Variants in LANCL2 observed in about 807,000 individuals in gnomAD.
The protein encoded by LANCL2 is lanC-like protein 2.
Under a neutral mutation model 56.9 loss-of-function variants are expected in LANCL2, and 33 were observed. The ratio of observed to expected loss-of-function variants is 0.58; its 90% CI spans 0.44 to 0.78. LANCL2 has a LOEUF of 0.78. Ranked by LOEUF, LANCL2 falls within the 30% of genes least tolerant of loss-of-function variation. The pLI, the probability that LANCL2 is intolerant of heterozygous loss-of-function variation, is 0.00. For synonymous variants in LANCL2, 233 were observed against 228.2 expected (o/e 1.02, Z -0.19); for missense variants, 562 against 580.2 (o/e 0.97, Z 0.32).
chr7:55,391,984 T>TG (rs1562861183), intron 2 of LANCL2, 74 bp downstream of exon 2: 1 of 902,356 alleles, frequency 1.1e-6, no homozygotes, highest in Non-Finnish European at 1.8e-6. Flanking sequence ...ACTGAAATTT[T>TG]CTTCTCTTTT....
intron 6 of LANCL2, among the ~76,000 whole-genome samples, chr7:55,424,084 T>A (rs566264846): frequency 9.2e-5 from 14 of 152,168 alleles, no homozygotes; most frequent in African/African-American, 2.4e-4. Context: ...GCCACCCAAG[T>A]AGTGATGACC....
chr7:55,426,583 T>C (rs1790667055), intron 7 of LANCL2, among the ~76,000 whole-genome samples: 1 of 152,106 alleles, frequency 6.6e-6, no homozygotes, highest in South Asian at 2.1e-4. Context: ...CCCCCACTGA[T>C]GGAAGCATGA....
Position 55,365,992 on chromosome 7 carries a change from T to C in LANCL2, c.-34T>C. Reference sequence around the variant, plus strand: ...CGAGCTGCAGCGCCGGGACAGGAGGTTTGTCCCCGCCCGCGCGCCGTACCG... The same window carrying C: ...CGAGCTGCAGCGCCGGGACAGGAGGCTTGTCCCCGCCCGCGCGCCGTACCG... On this transcript the variant is annotated 5_prime_UTR_variant, in exon 1 of 9. Coordinates refer to ENST00000254770, the MANE Select transcript of LANCL2 (RefSeq NM_018697.4). 1 of 1,390,752 alleles carries C rather than the reference T, an allele frequency of 7.2e-7. No individual in the cohort carries two copies. Among genetic ancestry groups the C allele is most frequent in the Non-Finnish European group, 9.4e-7 (1 of 1,062,182 alleles). 86.2% of individuals were successfully genotyped at this position (1,390,752 alleles called of 1,614,324 possible).
chr7:55,365,662 A>C lies in LANCL2; in HGVS notation c.-364A>C. The C allele has an allele frequency of 5.5e-6, 1 of 181,214 alleles. No homozygotes were observed. The highest frequency in any genetic ancestry group is 1.1e-5 in the Non-Finnish European group (1 of 87,426). The allele number at this position is 181,214 out of a possible 1,614,324, so 11.2% of individuals were successfully genotyped here. A position where few individuals can be genotyped will look rare whatever the true frequency, so the allele number is the denominator to read the frequency against. ...GCAGCGATCCCCACCCCGGGACTCC[A>C]GCCCCGGCCGTGCGCGTCGCCGCGG... On this transcript the variant is annotated 5_prime_UTR_variant, in exon 1 of 9. Coordinates refer to ENST00000254770, the MANE Select transcript of LANCL2 (RefSeq NM_018697.4).
At chr7:55,378,329 G>T (rs954752740) in intron 1 of LANCL2, among the ~76,000 whole-genome samples, 2 of 151,884 alleles carry the variant, frequency 1.3e-5, no homozygotes, top group African/African-American at 4.8e-5. Flanking sequence ...ACATGGTGGC[G>T]CATGCCTATA....
At chr7:55,385,723 G>A (rs1005289322) in intron 1 of LANCL2, among the ~76,000 whole-genome samples, 21 of 152,200 alleles carry the variant, frequency 1.4e-4, no homozygotes, top group Non-Finnish European at 2.6e-4. Flanking sequence ...GGGCACCATT[G>A]TCATTGATAA....
chr7:55,372,983 C>T (rs1475533330), intron 1 of LANCL2, among the ~76,000 whole-genome samples: 2 of 152,186 alleles, frequency 1.3e-5, no homozygotes, highest in African/African-American at 4.8e-5. Flanking sequence ...AATAACCAAA[C>T]CACTTGGAAA....
At chr7:55,420,801 T>G (rs923989808) in intron 6 of LANCL2, among the ~76,000 whole-genome samples, 1 of 152,248 alleles carries the variant, frequency 6.6e-6, no homozygotes, top group Non-Finnish European at 1.5e-5. Flanking sequence ...AGATTTGCCT[T>G]ACATATTTGT....
intron 2 of LANCL2, 67 bp downstream of exon 2, chr7:55,391,977 G>A (rs1790196558): frequency 1.1e-6 from 1 of 930,380 alleles, no homozygotes; most frequent in Non-Finnish European, 1.7e-6. Flanking sequence ...AGACTTGACT[G>A]AAATTTTCTT....
At chr7:55,415,557 G>T (rs1790525955) in intron 6 of LANCL2, among the ~76,000 whole-genome samples, 1 of 150,334 alleles carries the variant, frequency 6.7e-6, no homozygotes, top group Admixed American at 6.6e-5. Context: ...TCAAGATTCT[G>T]ATACCTTCTT....
chr7:55,385,767 C>G (rs565577103), intron 1 of LANCL2, among the ~76,000 whole-genome samples: 3 of 152,126 alleles, frequency 2.0e-5, no homozygotes, highest in African/African-American at 4.8e-5. Flanking sequence ...TGAGATCAAC[C>G]GGTCTGACCA....
chr7:55,430,353 G>A (rs535295317), intron 8 of LANCL2, among the ~76,000 whole-genome samples: 15 of 152,278 alleles, frequency 9.9e-5, no homozygotes, highest in African/African-American at 3.1e-4. Context: ...GAACCCTGAC[G>A]AAGGAGCCAG....
Position 55,398,533 on chromosome 7 carries a change from G to T in LANCL2, c.433G>T (p.Val145Phe), listed in dbSNP as rs749855960. 1.2e-5 allele frequency: 19 copies of T among 1,614,076 alleles called. No individual in the cohort carries two copies. The highest frequency in any genetic ancestry group is 1.6e-5 in the Non-Finnish European group (19 of 1,180,032). Reference protein sequence around the residue: ...RTLRNLNGRRVTFLCGDAGPL... With the variant: ...RTLRNLNGRRFTFLCGDAGPL... ...ACTTCGGAATCTGAATGGCCGCAGGGTCACCTTCCTCTGTGGGGATGCTGG... is the reference window on the plus strand; with the variant it reads ...ACTTCGGAATCTGAATGGCCGCAGGTTCACCTTCCTCTGTGGGGATGCTGG... The change falls in exon 3 of 9, where the codon GTC (valine) becomes TTC (phenylalanine). Residue 145 changes from valine to phenylalanine, a missense_variant. By Grantham distance (50) the Val-to-Phe change is conservative. This residue lies in a region of LANCL2 where 378 missense variants were observed against 468.4 expected (regional missense o/e 0.81). Coordinates refer to ENST00000254770, the MANE Select transcript of LANCL2 (RefSeq NM_018697.4).
chr7:55,429,302 T>A (rs1236046494), intron 8 of LANCL2, among the ~76,000 whole-genome samples: 2 of 152,254 alleles, frequency 1.3e-5, no homozygotes, highest in Non-Finnish European at 2.9e-5. Flanking sequence ...AACTTCTAGG[T>A]CTGGAGATTT....
intron 5 of LANCL2, among the ~76,000 whole-genome samples, chr7:55,403,114 C>G (rs1583756146): frequency 6.6e-6 from 1 of 152,192 alleles, no homozygotes; most frequent in African/African-American, 2.4e-5. Context: ...TTGTAGCGAG[C>G]CGAGATCACG....
At chr7:55,402,729 G>A (rs1312819642) in intron 5 of LANCL2, among the ~76,000 whole-genome samples, 1 of 127,026 alleles carries the variant, frequency 7.9e-6, no homozygotes, top group East Asian at 2.1e-4. Flanking sequence ...AGACGGGGTG[G>A]CTGCCGGGCG....
At chr7:55,375,641 T>G (rs1789992123) in intron 1 of LANCL2, among the ~76,000 whole-genome samples, 1 of 152,250 alleles carries the variant, frequency 6.6e-6, no homozygotes, top group Non-Finnish European at 1.5e-5. Context: ...CACCTATTTA[T>G]TTATCATCTT....
chr7:55,366,279 G>T (rs933400318), intron 1 of LANCL2, 50 bp downstream of exon 1: 2 of 1,400,976 alleles, frequency 1.4e-6, no homozygotes, highest in Non-Finnish European at 1.9e-6. Flanking sequence ...GCGCGGCGGT[G>T]GTAGCGTCCA....
chr7:55,388,678 A>T (rs897212660), intron 1 of LANCL2, among the ~76,000 whole-genome samples: 1 of 152,234 alleles, frequency 6.6e-6, no homozygotes, highest in Non-Finnish European at 1.5e-5. Flanking sequence ...GAGCCTTGAC[A>T]TCTCAGACCT....
Sources: gnomAD v4.1 joint callset for allele counts (sites outside exome capture counted in the v4.1 genomes callset) on GRCh38, gnomAD v4.1.1 for gene constraint, gnomAD v4.1.1 regional missense constraint, MANE v1.5 for transcripts, NCBI Gene and HGNC (gene_info 2026-07-23, HGNC 2026-07-21) for gene names.